The following SYNCRIP variants were observed in gnomAD, a reference collection of about 807,000 sequenced individuals.
SYNCRIP encodes the protein heterogeneous nuclear ribonucleoprotein Q.
A neutral mutation model predicts 68.9 loss-of-function variants in SYNCRIP; 9 were observed. The observed-to-expected ratio is 0.13, with a 90% CI of 0.08 to 0.23. The LOEUF (loss-of-function observed/expected upper bound fraction) is 0.23. SYNCRIP is among the 10% of genes least tolerant of loss of function. The probability of loss-of-function intolerance (pLI) is 1.00; values close to 1 mark genes in which losing one functional copy is unlikely to be tolerated. For synonymous variants in SYNCRIP, 258 were observed against 254.0 expected (o/e 1.02, Z -0.15); for missense variants, 414 against 770.6 (o/e 0.54, Z 5.48).
At chr6:85,622,938 T>C (rs942630462) in intron 7 of SYNCRIP, among the ~76,000 whole-genome samples, 3 of 152,198 alleles carry the variant, frequency 2.0e-5, no homozygotes, top group Admixed American at 2.0e-4. Flanking sequence ...CTACTTTTGT[T>C]TTCACTAATT....
At chr6:85,626,819 C>T (rs1011315541) in intron 6 of SYNCRIP, among the ~76,000 whole-genome samples, 2 of 152,202 alleles carry the variant, frequency 1.3e-5, no homozygotes, top group Non-Finnish European at 2.9e-5. Flanking sequence ...TCTTACCCAT[C>T]ATCACTAGCC....
downstream of SYNCRIP, chr6:85,611,911 T>C (rs1805279842): frequency 6.6e-6 from 1 of 152,552 alleles, no homozygotes. Context: ...AATTGTCAGT[T>C]TTAGTCTGAC....
At chr6:85,639,586 C>T (rs1278470411) in intron 4 of SYNCRIP, among the ~76,000 whole-genome samples, 2 of 152,192 alleles carry the variant, frequency 1.3e-5, no homozygotes. Context: ...CACTGGCACA[C>T]TACAAAGCAC....
chr6:85,637,375 C>A lies in SYNCRIP; in HGVS notation c.376-19G>T. 1 of 1,499,420 alleles carries A rather than the reference C, an allele frequency of 6.7e-7. No homozygotes were observed. Among genetic ancestry groups the A allele is most frequent in the South Asian group, 1.2e-5 (1 of 86,330 alleles). The allele number at this position is 1,499,420 out of a possible 1,614,324, so 92.9% of individuals were successfully genotyped here. Reference sequence around the variant, plus strand: ...AGAGTGCCTTGAAAAGTTCAAACGTCATTAATACATTTAATTCACTAGACC... The same window carrying A: ...AGAGTGCCTTGAAAAGTTCAAACGTAATTAATACATTTAATTCACTAGACC... On this transcript the variant is annotated intron_variant, in intron 4 of 10. Transcript: ENST00000369622.
chr6:85,640,895 T>C (rs770610376), intron 2 of SYNCRIP, among the ~76,000 whole-genome samples: 5 of 152,154 alleles, frequency 3.3e-5, no homozygotes, highest in Non-Finnish European at 7.3e-5. Context: ...CAACTGAACC[T>C]CTACTCAATT....
At chr6:85,618,484 T>C (rs1440787773) in intron 10 of SYNCRIP, among the ~76,000 whole-genome samples, 1 of 151,952 alleles carries the variant, frequency 6.6e-6, no homozygotes, top group African/African-American at 2.4e-5. Flanking sequence ...GAGGTTCCAG[T>C]GAGCCGAAAG....
downstream of SYNCRIP, among the ~76,000 whole-genome samples, chr6:85,613,769 T>G (rs1414286659): frequency 6.6e-6 from 1 of 152,220 alleles, no homozygotes; most frequent in Non-Finnish European, 1.5e-5. Context: ...CTAGAGTTTC[T>G]TTGCTGCTTT....
At chr6:85,625,548 C>T (rs1291403327) in intron 6 of SYNCRIP, among the ~76,000 whole-genome samples, 4 of 151,974 alleles carry the variant, frequency 2.6e-5, no homozygotes, top group African/African-American at 7.3e-5. Flanking sequence ...CCACCATGCC[C>T]GGCTATTTTT....
chr6:85,634,574 G>A (rs1215333282), intron 6 of SYNCRIP, among the ~76,000 whole-genome samples: 1 of 144,956 alleles, frequency 6.9e-6, no homozygotes, highest in African/African-American at 2.5e-5. Context: ...TCATACACTG[G>A]TGTGTTGTTT....
intron 4 of SYNCRIP, among the ~76,000 whole-genome samples, chr6:85,638,314 G>C (rs1163566925): frequency 1.3e-5 from 2 of 148,316 alleles, no homozygotes; most frequent in African/African-American, 2.5e-5. Context: ...TGGAGGGGCG[G>C]AGGTTGCAGT....
chr6:85,641,064 TATCC>T (rs543912658), intron 2 of SYNCRIP, among the ~76,000 whole-genome samples: 2 of 152,210 alleles, frequency 1.3e-5, no homozygotes, highest in Non-Finnish European at 2.9e-5. Flanking sequence ...ATCATATACT[TATCC>T]ATCAGGCCAG....
chr6:85,640,515 T>C lies in SYNCRIP; in HGVS notation c.198A>G (p.Lys66=), dbSNP rs1399842017. 5 of 1,608,368 alleles carry C rather than the reference T, an allele frequency of 3.1e-6. No homozygotes were observed. Among genetic ancestry groups the C allele is most frequent in the Non-Finnish European group, 3.4e-6 (4 of 1,178,370 alleles). The change falls in exon 3 of 11, where the codon AAA becomes AAG. Residue 66 remains lysine, a synonymous_variant. Coordinates refer to ENST00000369622, the MANE Select transcript of SYNCRIP (RefSeq NM_006372.5). The stretch of plus-strand genomic sequence containing the variant: ...CCAATGCACCGTCTTCATTGAATTC[T>C]TTTAAAGCTTCAATAGCTCTTTCAT... ...DLDERAIEAL[K]EFNEDGALAV...
rs71003001 is a variant in SYNCRIP at position 85,638,380 on chromosome 6, CAAAAAAAAAAAA to C, written c.376-1036_376-1025del. Among the ~76,000 whole-genome samples, 57 of 42,854 alleles carry C rather than the reference CAAAAAAAAAAAA, an allele frequency of 1.3e-3. 1 individual carries two copies. Among genetic ancestry groups the C allele is most frequent in the African/African-American group, 5.3e-3 (54 of 10,094 alleles). The allele number at this position is 42,854 out of a possible 152,430, so 28.1% of individuals were successfully genotyped here. A position where few individuals can be genotyped will look rare whatever the true frequency, so the allele number is the denominator to read the frequency against. On this transcript the variant is annotated intron_variant, in intron 4 of 10. Transcript: ENST00000369622. ...TGGATGACAGAGCAAGACCCCATCTCAAAAAAAAAAAAAAAAAAAAAAAAAAAAAGGTACACT... is the reference window on the plus strand; with the variant it reads ...TGGATGACAGAGCAAGACCCCATCTCAAAAAAAAAAAAAAAAAGGTACACT...
At chr6:85,634,497 C>A (rs1460437353) in intron 6 of SYNCRIP, among the ~76,000 whole-genome samples, 1 of 152,158 alleles carries the variant, frequency 6.6e-6, no homozygotes, top group African/African-American at 2.4e-5. Context: ...GGAACCCATA[C>A]CAAAATCCAT....
At chr6:85,634,786 T>G (rs1241149857) in intron 6 of SYNCRIP, among the ~76,000 whole-genome samples, 1 of 152,180 alleles carries the variant, frequency 6.6e-6, no homozygotes, top group Non-Finnish European at 1.5e-5. Context: ...TATAGGAGAT[T>G]AAAGGATTTT....
At position 85,622,575 on chromosome 6, in the gene SYNCRIP, C is replaced by T; in HGVS notation, c.915G>A (p.Arg305=). Residue 305 remains arginine (R), a synonymous_variant, in exon 8 of 11, where the codon AGG becomes AGA. Coordinates refer to ENST00000369622, the MANE Select transcript of SYNCRIP (RefSeq NM_006372.5). ...AGACCTTGACTTTACCACTCATTAA[C>T]CTACGCCTTGCCTGGGCAGCTGTTT... ...DHKTAAQARR[R]LMSGKVKVWG... The T allele has an allele frequency of 1.9e-6, 3 of 1,614,194 alleles. No homozygotes were observed. The highest frequency in any genetic ancestry group is 2.2e-5 in the East Asian group (1 of 44,882).
chr6:85,627,861 A>C (rs960989074), intron 6 of SYNCRIP, among the ~76,000 whole-genome samples: 2 of 152,208 alleles, frequency 1.3e-5, no homozygotes, highest in Non-Finnish European at 2.9e-5. Flanking sequence ...AAGAACACCA[A>C]AACAGTAGTA....
At chr6:85,624,527 G>A (rs1266104238) in intron 6 of SYNCRIP, among the ~76,000 whole-genome samples, 1 of 152,074 alleles carries the variant, frequency 6.6e-6, no homozygotes, top group Non-Finnish European at 1.5e-5. Context: ...CTTATCAAAA[G>A]TTGTAATAAG....
intron 8 of SYNCRIP, among the ~76,000 whole-genome samples, chr6:85,620,981 T>C (rs989316667): frequency 1.3e-5 from 2 of 152,188 alleles, no homozygotes; most frequent in African/African-American, 2.4e-5. Flanking sequence ...GCTTTTGAAA[T>C]CTTAAAGGGG....
Sources: allele counts gnomAD v4.1 joint callset (sites outside exome capture counted in the v4.1 genomes callset), GRCh38; gene constraint gnomAD v4.1.1; transcripts MANE v1.5; gene names NCBI Gene and HGNC (gene_info 2026-07-23, HGNC 2026-07-21).